Variants in MYRIP observed in about 807,000 individuals in gnomAD.
MYRIP encodes the protein rab effector MyRIP.
In MYRIP, 49 loss-of-function variants were observed where a neutral mutation model predicts 98.0. That is an observed-to-expected ratio of 0.50 (90% confidence interval 0.40 to 0.63). The LOEUF (loss-of-function observed/expected upper bound fraction) is 0.63, where lower values mean the gene tolerates loss of function less well. Among genes scored for constraint, MYRIP ranks in the 30% least tolerant of loss-of-function variants. The probability of loss-of-function intolerance (pLI) is 0.00; values close to 1 mark genes in which losing one functional copy is unlikely to be tolerated. For missense variants in MYRIP, 1,004 were observed against 1,058.2 expected (o/e 0.95, Z 0.71); for synonymous variants, 404 against 409.5 (o/e 0.99, Z 0.16).
At chr3:39,876,480 C>T (rs1055406650) in intron 1 of MYRIP, among the ~76,000 whole-genome samples, 5 of 152,004 alleles carry the variant, frequency 3.3e-5, no homozygotes, top group Non-Finnish European at 5.9e-5. Flanking sequence ...TGGTTGGTAC[C>T]GGTTGTTCCT....
intron 2 of MYRIP, among the ~76,000 whole-genome samples, chr3:39,993,013 T>G (rs941924168): frequency 2.0e-5 from 3 of 152,228 alleles, no homozygotes; most frequent in African/African-American, 4.8e-5. Context: ...CATTTTGTGC[T>G]GATATAACAG....
At chr3:40,250,384 G>A in intron 14 of MYRIP, 55 bp from the exon 15 acceptor site, 2 of 1,613,330 alleles carry the variant, frequency 1.2e-6, no homozygotes, top group Admixed American at 1.7e-5. Flanking sequence ...AAATTTAGAA[G>A]ACAAAATATC....
intron 2 of MYRIP, among the ~76,000 whole-genome samples, chr3:39,983,530 G>A (rs1342748193): frequency 6.6e-6 from 1 of 152,152 alleles, no homozygotes; most frequent in African/African-American, 2.4e-5. Flanking sequence ...ACATCACCAT[G>A]ATGCTTGATC....
chr3:39,867,790 C>T (rs533332612), intron 1 of MYRIP, among the ~76,000 whole-genome samples: 8 of 152,278 alleles, frequency 5.3e-5, no homozygotes, highest in Middle Eastern at 3.4e-3. Flanking sequence ...AGTAATCCTA[C>T]TACTGGGTAT....
intron 2 of MYRIP, among the ~76,000 whole-genome samples, chr3:40,026,935 T>G (rs1947144350): frequency 6.6e-6 from 1 of 152,226 alleles, no homozygotes; most frequent in East Asian, 1.9e-4. Flanking sequence ...TCTTAGGCCC[T>G]CTTTTCCCCC....
intron 3 of MYRIP, 130 bp downstream of exon 3, chr3:40,044,401 T>A: frequency 1.1e-6 from 1 of 901,082 alleles, no homozygotes; most frequent in Non-Finnish European, 1.7e-6. Flanking sequence ...GTAAATAGCT[T>A]GCTGAAGAGA....
intron 1 of MYRIP, among the ~76,000 whole-genome samples, chr3:39,821,651 A>G (rs1054551147): frequency 6.6e-6 from 1 of 152,004 alleles, no homozygotes; most frequent in Non-Finnish European, 1.5e-5. Context: ...GTTTCGATAT[A>G]TAATGTTTTT....
intron 2 of MYRIP, among the ~76,000 whole-genome samples, chr3:40,014,930 T>C (rs895486277): frequency 2.6e-5 from 4 of 152,200 alleles, no homozygotes; most frequent in Non-Finnish European, 5.9e-5. Flanking sequence ...GTCTGGGCTC[T>C]CCTGCTCCCC....
At chr3:40,031,174 G>A (rs1054960853) in intron 2 of MYRIP, among the ~76,000 whole-genome samples, 1 of 152,032 alleles carries the variant, frequency 6.6e-6, no homozygotes, top group Non-Finnish European at 1.5e-5. Context: ...CCGCTTCCTG[G>A]TTCATAGATA....
intron 1 of MYRIP, among the ~76,000 whole-genome samples, chr3:39,883,334 G>A (rs771703796): frequency 6.6e-5 from 10 of 152,146 alleles, no homozygotes; most frequent in Non-Finnish European, 1.2e-4. Context: ...CAAGCTTGCT[G>A]GTACCGTCAG....
chr3:39,931,086 T>C (rs546823698), intron 2 of MYRIP, among the ~76,000 whole-genome samples: 43 of 152,216 alleles, frequency 2.8e-4, no homozygotes, highest in Admixed American at 2.4e-3. Flanking sequence ...AGCTGGAATT[T>C]TGATGGGGAT....
intron 10 of MYRIP, among the ~76,000 whole-genome samples, chr3:40,198,245 G>A (rs1029221108): frequency 2.6e-5 from 4 of 152,126 alleles, no homozygotes; most frequent in African/African-American, 9.7e-5. Context: ...GCTTCTCCTC[G>A]GATGCTTAAA....
intron 3 of MYRIP, among the ~76,000 whole-genome samples, chr3:40,145,611 C>T (rs930233797): frequency 3.9e-5 from 6 of 152,178 alleles, no homozygotes; most frequent in African/African-American, 7.2e-5. Context: ...AATCTCACAC[C>T]ATGGGTGGGA....
intron 3 of MYRIP, among the ~76,000 whole-genome samples, chr3:40,070,550 C>T (rs913595674): frequency 2.6e-5 from 4 of 152,150 alleles, no homozygotes; most frequent in Non-Finnish European, 5.9e-5. Context: ...AGACTGATAC[C>T]GGTCTGCAAG....
chr3:40,186,620 C>T (rs955273286), intron 9 of MYRIP, among the ~76,000 whole-genome samples: 2 of 152,196 alleles, frequency 1.3e-5, no homozygotes, highest in African/African-American at 4.8e-5. Context: ...GGTACTTCCA[C>T]TCTGCCCCTG....
At chr3:40,082,939 A>G (rs567553565) in intron 3 of MYRIP, among the ~76,000 whole-genome samples, 1 of 152,360 alleles carries the variant, frequency 6.6e-6, no homozygotes, top group East Asian at 1.9e-4. Flanking sequence ...AATAGGCCAG[A>G]ATAATATTGG....
At chr3:40,013,040 C>T (rs1946795681) in intron 2 of MYRIP, among the ~76,000 whole-genome samples, 1 of 152,180 alleles carries the variant, frequency 6.6e-6, no homozygotes, top group African/African-American at 2.4e-5. Context: ...AGGAATTACA[C>T]TCCCTTTTTG....
chr3:39,880,470 A>C (rs776995138), intron 1 of MYRIP, among the ~76,000 whole-genome samples: 1 of 152,224 alleles, frequency 6.6e-6, no homozygotes, highest in Non-Finnish European at 1.5e-5. Context: ...TTATTCAGCC[A>C]TTTCTTCATT....
intron 2 of MYRIP, among the ~76,000 whole-genome samples, chr3:40,033,088 C>T (rs1317706862): frequency 1.3e-5 from 2 of 150,510 alleles, no homozygotes; most frequent in African/African-American, 4.9e-5. Context: ...TAAGAGCTAT[C>T]TATGACAAAC....
Sources: allele counts gnomAD v4.1 joint callset (sites outside exome capture counted in the v4.1 genomes callset), GRCh38; gene constraint gnomAD v4.1.1; transcripts MANE v1.5; gene names NCBI Gene and HGNC (gene_info 2026-07-23, HGNC 2026-07-21).